The following CAST variants were observed in gnomAD, a reference collection of about 807,000 sequenced individuals.
CAST encodes the protein calpastatin.
A neutral mutation model predicts 119.6 loss-of-function variants in CAST; 76 were observed. The observed-to-expected ratio is 0.64, with a 90% CI of 0.53 to 0.77. The LOEUF (loss-of-function observed/expected upper bound fraction) is 0.77. Ranked by LOEUF, CAST falls within the 30% of genes least tolerant of loss-of-function variation. The pLI is 0.00. For missense variants in CAST, 953 were observed against 946.5 expected (o/e 1.01, Z -0.09); for synonymous variants, 319 against 331.6 (o/e 0.96, Z 0.41).
the CAST span, among the ~76,000 whole-genome samples, chr5:96,244,625 CG>C: frequency 6.6e-6 from 1 of 152,128 alleles, no homozygotes; most frequent in South Asian, 2.1e-4. Context: ...ATTTTATACA[CG>C]GGAAAGCTGA....
At chr5:96,373,953 A>G in the CAST span, among the ~76,000 whole-genome samples, 1 of 151,930 alleles carries the variant, frequency 6.6e-6, no homozygotes, top group East Asian at 1.9e-4. Flanking sequence ...TCACTTATCT[A>G]CTTGAATTCA....
the CAST span, among the ~76,000 whole-genome samples, chr5:96,108,446 A>G: frequency 6.6e-6 from 1 of 152,168 alleles, no homozygotes; most frequent in Non-Finnish European, 1.5e-5. Context: ...TCTAACAGAC[A>G]GGACCCTCAG....
chr5:96,091,604 C>A, the CAST span, among the ~76,000 whole-genome samples: 565 of 150,982 alleles, frequency 3.7e-3, 7 homozygotes, highest in African/African-American at 0.013. Context: ...CTCCCAGGCT[C>A]AAGTGATCCT....
At chr5:96,738,381 A>C (rs1383119873) in intron 11 of CAST, among the ~76,000 whole-genome samples, 1 of 152,190 alleles carries the variant, frequency 6.6e-6, no homozygotes, top group Non-Finnish European at 1.5e-5. Flanking sequence ...GTCAGTATCA[A>C]CATCAACACA....
intron 1 of CAST, among the ~76,000 whole-genome samples, chr5:96,573,688 C>T (rs1746614618): frequency 6.6e-6 from 1 of 152,036 alleles, no homozygotes; most frequent in South Asian, 2.1e-4. Flanking sequence ...TTGGTGAATG[C>T]TGACATAGGC....
chr5:96,676,143 G>T (rs956034361), intron 2 of CAST, among the ~76,000 whole-genome samples: 1 of 152,122 alleles, frequency 6.6e-6, no homozygotes, highest in Non-Finnish European at 1.5e-5. Flanking sequence ...ACCATTCTTT[G>T]CACTGTTTAG....
chr5:96,541,730 T>G (rs1232884902), intron 1 of CAST, among the ~76,000 whole-genome samples: 1 of 152,228 alleles, frequency 6.6e-6, no homozygotes, highest in South Asian at 2.1e-4. Flanking sequence ...ATATAGCCAT[T>G]TCAGACTGAT....
At chr5:96,633,089 A>G (rs1406905568) in intron 1 of CAST, among the ~76,000 whole-genome samples, 1 of 152,168 alleles carries the variant, frequency 6.6e-6, no homozygotes, top group African/African-American at 2.4e-5. Context: ...CTCCTGCCTC[A>G]GCCTCCTGAG....
chr5:96,049,708 G>T, the CAST span, among the ~76,000 whole-genome samples: 1 of 151,792 alleles, frequency 6.6e-6, no homozygotes, highest in African/African-American at 2.4e-5. Flanking sequence ...TTATACTTGG[G>T]ATGCACATGG....
the CAST span, among the ~76,000 whole-genome samples, chr5:96,454,577 G>GT: frequency 6.6e-6 from 1 of 152,186 alleles, no homozygotes; most frequent in Admixed American, 6.5e-5. Context: ...CAAGGCAATT[G>GT]TTGAGTGTCT....
At chr5:96,363,820 C>G in the CAST span, among the ~76,000 whole-genome samples, 5 of 151,910 alleles carry the variant, frequency 3.3e-5, no homozygotes, top group Non-Finnish European at 7.4e-5. Context: ...AATTGAATAC[C>G]CTTTATTCAA....
chr5:96,355,443 G>T, the CAST span, among the ~76,000 whole-genome samples: 11 of 152,066 alleles, frequency 7.2e-5, no homozygotes, highest in African/African-American at 2.4e-4. Flanking sequence ...TGGCATTTGG[G>T]TTGGTTCCCA....
chr5:96,644,702 C>T lies in CAST; in HGVS notation c.61-30837C>T, dbSNP rs118060372. ...TATTAATGAAACTCCAAGCCAGGCG[C>T]CGTGGCTCACGCCTGTAATCTCAGC... On this transcript the variant is annotated intron_variant, in intron 1 of 11. Transcript: ENST00000505143. Among the ~76,000 whole-genome samples the T allele has an allele frequency of 1.8e-3, 273 of 152,310 alleles. 2 individuals are homozygous for T. In the East Asian group the frequency reaches 0.02, roughly 11 times the overall value.
At chr5:96,429,082 A>T in the CAST span, 13 of 621,994 alleles carry the variant, frequency 2.1e-5, 1 homozygote, top group East Asian at 3.6e-4. Context: ...AATTAGAAAT[A>T]ATACAGATAA....
the CAST span, among the ~76,000 whole-genome samples, chr5:96,040,225 A>G: frequency 1.3e-5 from 2 of 152,212 alleles, no homozygotes; most frequent in African/African-American, 4.8e-5. Flanking sequence ...TTGATTTTGT[A>G]TCCTGAGACT....
chr5:96,531,487 C>G (rs1745687125), intron 1 of CAST, among the ~76,000 whole-genome samples: 1 of 152,190 alleles, frequency 6.6e-6, no homozygotes, highest in African/African-American at 2.4e-5. Context: ...TAGAGATTGC[C>G]TAGTATAAAT....
the CAST span, among the ~76,000 whole-genome samples, chr5:96,381,775 C>T: frequency 2.0e-5 from 3 of 152,132 alleles, no homozygotes; most frequent in African/African-American, 7.2e-5. Context: ...GTCTGGCTTC[C>T]TTGTGGTTAA....
chr5:96,750,249 T>C (rs1391832928), intron 19 of CAST, among the ~76,000 whole-genome samples: 1 of 152,224 alleles, frequency 6.6e-6, no homozygotes, highest in Non-Finnish European at 1.5e-5. Context: ...TGTTCCCAGG[T>C]ACTATGCATA....
At chr5:96,280,690 C>A in the CAST span, among the ~76,000 whole-genome samples, 2 of 152,092 alleles carry the variant, frequency 1.3e-5, no homozygotes, top group African/African-American at 4.8e-5. Flanking sequence ...GAAAATACTT[C>A]ATGAACTATG....
Sources: allele counts gnomAD v4.1 joint callset (sites outside exome capture counted in the v4.1 genomes callset), GRCh38; gene constraint gnomAD v4.1.1; transcripts MANE v1.5; gene names NCBI Gene and HGNC (gene_info 2026-07-23, HGNC 2026-07-21).